The following CFAP74 variants were observed in gnomAD, a reference collection of about 807,000 sequenced individuals.
The protein encoded by CFAP74 is cilia and flagella associated protein 74, also known as cilia- and flagella-associated protein 74.
In CFAP74, 124 loss-of-function variants were observed where a neutral mutation model predicts 188.9. That is an observed-to-expected ratio of 0.66 (90% CI 0.57 to 0.76). CFAP74 has a LOEUF of 0.76. Ranked by LOEUF, CFAP74 falls within the 30% of genes least tolerant of loss-of-function variation. The probability of loss-of-function intolerance (pLI) is 0.00; values close to 1 mark genes in which losing one functional copy is unlikely to be tolerated. For missense variants in CFAP74, 2,198 were observed against 2,165.2 expected (o/e 1.02, Z -0.30); for synonymous variants, 956 against 916.7 (o/e 1.04, Z -0.77).
Position 1,923,460 on chromosome 1 carries a change from G to A in CFAP74, c.4429C>T (p.Gln1477Ter). 6.2e-7 allele frequency: 1 copy of A among 1,611,894 alleles called. No homozygotes were observed. The highest frequency in any genetic ancestry group is 8.5e-7 in the Non-Finnish European group (1 of 1,179,564). ...HQILLKGAAC[Q>*]HMMFVEGGDP... ...CCGCCCTCCACGAACATCATGTGCT[G>A]ACAGGCGGCACCCTTCAGCAGGATC... Residue 1477 changes from glutamine to a stop codon, truncating the protein, a stop_gained, in exon 36 of 39, where the codon CAG (glutamine) becomes TAG (stop). Transcript: ENST00000682832. LOFTEE classifies it high-confidence loss of function. This position sits in a 1 kb window ranked among gnomAD's most constrained non-coding sequence, Gnocchi z 6.3.
At chr1:1,981,301 C>T (rs572469688) in intron 6 of CFAP74, among the ~76,000 whole-genome samples, 129 of 152,342 alleles carry the variant, frequency 8.5e-4, no homozygotes, top group African/African-American at 2.6e-3. Context: ...ACATTGGCCA[C>T]GGAGACCTTG....
intron 9 of CFAP74, among the ~76,000 whole-genome samples, chr1:1,971,099 GCACACGTGTGCACACACATGCT>G (rs1655975923): frequency 7.4e-6 from 1 of 135,474 alleles, no homozygotes. Context: ...ATGCACACCT[GCACACGTGTGCACACACATGCT>G]CACACGTGCA....
chr1:2,003,073 A>T (rs1001327996), intron 1 of CFAP74, among the ~76,000 whole-genome samples: 1 of 152,088 alleles, frequency 6.6e-6, no homozygotes, highest in Non-Finnish European at 1.5e-5. Context: ...TGGGGGAGAG[A>T]CTTTGGGGTG....
intron 1 of CFAP74, among the ~76,000 whole-genome samples, chr1:2,003,307 ATC>A (rs1169293283): frequency 6.6e-6 from 1 of 152,164 alleles, no homozygotes; most frequent in African/African-American, 2.4e-5. Flanking sequence ...CTAGAGGCAA[ATC>A]AGCTTCCAAA....
chr1:1,940,302 G>A lies in CFAP74; in HGVS notation c.2703+14C>T, dbSNP rs1204236200. ...GGAGCGCCCAGCATCCCTGGGAAGTGCCCCAACACAGACCTGGTCGGCAAC... is the reference window on the plus strand; with the variant it reads ...GGAGCGCCCAGCATCCCTGGGAAGTACCCCAACACAGACCTGGTCGGCAAC... On this transcript the variant is annotated intron_variant, in intron 23 of 38. Transcript: ENST00000682832. The A allele has an allele frequency of 1.3e-6, 2 of 1,532,644 alleles. No individual in the cohort carries two copies. The highest frequency in any genetic ancestry group is 3.9e-5 in the Admixed American group (2 of 50,994). 94.9% of individuals were successfully genotyped at this position (1,532,644 alleles called of 1,614,324 possible). A position where few individuals can be genotyped will look rare whatever the true frequency, so the allele number is the denominator to read the frequency against.
At position 1,939,531 on chromosome 1, in the gene CFAP74, C is replaced by G. The variant is rs964636057; in HGVS notation, c.2877+63G>C. 6 of 1,456,672 alleles carry G rather than the reference C, an allele frequency of 4.1e-6. No homozygotes were observed. In the African/African-American group the frequency reaches 8.4e-5, roughly 20 times the overall value. 90.2% of individuals were successfully genotyped at this position (1,456,672 alleles called of 1,614,324 possible). A position where few individuals can be genotyped will look rare whatever the true frequency, so the allele number is the denominator to read the frequency against. ...GGGGACCCTGGAGCAGTGGCCGCTGCATCCTGTCCCCAGGACTTCCCAGCC... is the reference window on the plus strand; with the variant it reads ...GGGGACCCTGGAGCAGTGGCCGCTGGATCCTGTCCCCAGGACTTCCCAGCC... On this transcript the variant is annotated intron_variant, in intron 24 of 38. Coordinates refer to ENST00000682832, the MANE Select transcript of CFAP74 (RefSeq NM_001304360.2).
rs1455590739 is a variant in CFAP74, at chr1:1,923,075, G to A, written c.4593C>T (p.Tyr1531=). ...CTGGCGTGTCTGTGTCAAACTGGAT[G>A]TAGTCCAGGGTCACCAGGATGGGCC... The part of the protein sequence containing the change: ...ELRPILVTLD[Y]IQFDTDTPAP... The change falls in exon 37 of 39, where the codon TAC becomes TAT. Residue 1531 remains tyrosine (Y), a synonymous_variant. Transcript: ENST00000682832. This position sits in a 1 kb window ranked among gnomAD's most constrained non-coding sequence, Gnocchi z 6.3. The A allele has an allele frequency of 1.9e-6, 3 of 1,608,588 alleles. No individual in the cohort carries two copies. The highest frequency in any genetic ancestry group is 2.2e-5 in the East Asian group (1 of 44,870).
Position 1,942,781 on chromosome 1 carries a change from G to A in CFAP74, c.2487-625C>T, listed in dbSNP as rs544882563. Among the ~76,000 whole-genome samples, 87 of 152,128 alleles carry A rather than the reference G, an allele frequency of 5.7e-4. No homozygotes were observed. The highest frequency in any genetic ancestry group is 4.6e-4 in the Non-Finnish European group (31 of 67,956). ...CAGTGAAGCCTCCCTCCCCTCCCCC[G>A]TCTTGGAGCCTCTGCTAAACAGTGT... is the stretch of plus-strand genomic sequence containing the variant. On this transcript the variant is annotated intron_variant, in intron 21 of 38. Transcript: ENST00000682832. The surrounding 1 kb of genome is among the most constrained non-coding windows in gnomAD (Gnocchi z 4.3).
chr1:1,934,311 TACAC>T (rs1652651878), intron 25 of CFAP74, among the ~76,000 whole-genome samples: 1 of 141,246 alleles, frequency 7.1e-6, no homozygotes, highest in Non-Finnish European at 1.6e-5. Flanking sequence ...TACACAGGTG[TACAC>T]GTGGGTGTTA....
chr1:1,970,024 G>A (rs929584974), intron 10 of CFAP74, among the ~76,000 whole-genome samples: 2 of 152,210 alleles, frequency 1.3e-5, no homozygotes, highest in Non-Finnish European at 2.9e-5. Context: ...CGGGAGAGAG[G>A]GGCCTTGTAG....
In CFAP74 at chr1:1,922,189, G is replaced by T; in HGVS notation, c.*98C>A. 1.1e-6 allele frequency: 1 copy of T among 876,766 alleles called. No individual in the cohort carries two copies. Among genetic ancestry groups the T allele is most frequent in the Non-Finnish European group, 1.8e-6 (1 of 549,572 alleles). 54.3% of individuals were successfully genotyped at this position (876,766 alleles called of 1,614,324 possible). A position where few individuals can be genotyped will look rare whatever the true frequency, so the allele number is the denominator to read the frequency against. Reference sequence around the variant, plus strand: ...GGCCTATTGGAATCTGGCAGAGGATGGCCAGGTCCCAGGCTCTAGGGTAGT... The same window carrying T: ...GGCCTATTGGAATCTGGCAGAGGATTGCCAGGTCCCAGGCTCTAGGGTAGT... On this transcript the variant is annotated 3_prime_UTR_variant, in exon 39 of 39. Coordinates refer to ENST00000682832, the MANE Select transcript of CFAP74 (RefSeq NM_001304360.2).
At position 1,968,053 on chromosome 1, in the gene CFAP74, T is replaced by A. The variant is rs1232225570; in HGVS notation, c.1245+582A>T. 6.8e-6 allele frequency among the ~76,000 whole-genome samples: 1 copy of A among 146,672 alleles called. No homozygotes were observed. On this transcript the variant is annotated intron_variant, in intron 11 of 38. Coordinates refer to ENST00000682832, the MANE Select transcript of CFAP74 (RefSeq NM_001304360.2). The surrounding 1 kb of genome is among the most constrained non-coding windows in gnomAD (Gnocchi z 4.3). ...ATGAGTGAATGAATAAGTGTATCAGTGAGTGAGTGAATGAATGAGTGAATG... is the reference window on the plus strand; with the variant it reads ...ATGAGTGAATGAATAAGTGTATCAGAGAGTGAGTGAATGAATGAGTGAATG...
At chr1:1,944,703 T>C (rs1316651990) in intron 20 of CFAP74, among the ~76,000 whole-genome samples, 1 of 152,186 alleles carries the variant, frequency 6.6e-6, no homozygotes, top group Non-Finnish European at 1.5e-5. Context: ...GCCTCCCGCG[T>C]TCAAGCAATT....
chr1:1,990,974 A>C lies in CFAP74; in HGVS notation c.-18T>G. The C allele has an allele frequency of 6.2e-7, 1 of 1,600,532 alleles. No homozygotes were observed. The highest frequency in any genetic ancestry group is 8.5e-7 in the Non-Finnish European group (1 of 1,174,200). On this transcript the variant is annotated splice_region_variant and 5_prime_UTR_variant, in exon 2 of 39. Coordinates refer to ENST00000682832, the MANE Select transcript of CFAP74 (RefSeq NM_001304360.2). ...TCCTCCATGCTGGGAGATAGAAATT[A>C]GCTGCAAAAGATGATCGCAAAATAT...
At chr1:1,980,596 G>A (rs554440187) in intron 6 of CFAP74, among the ~76,000 whole-genome samples, 6 of 152,240 alleles carry the variant, frequency 3.9e-5, no homozygotes, top group Non-Finnish European at 7.3e-5. Flanking sequence ...TTCTTTGGGG[G>A]TTCCTGGGAC....
chr1:1,971,083 TCATACA>T (rs1169125488), intron 9 of CFAP74, among the ~76,000 whole-genome samples: 17 of 120,068 alleles, frequency 1.4e-4, no homozygotes, highest in African/African-American at 5.3e-4. Flanking sequence ...CTGCACACAC[TCATACA>T]TGCACACCTG....
At chr1:1,971,029 GCACACCTGCA>G (rs1655958058) in intron 9 of CFAP74, among the ~76,000 whole-genome samples, 1 of 138,886 alleles carries the variant, frequency 7.2e-6, no homozygotes, top group South Asian at 2.3e-4. Context: ...CATCACACAT[GCACACCTGCA>G]CACACGTGCA....
Position 1,938,941 on chromosome 1 carries a change from C to T in CFAP74, c.2925G>A (p.Leu975=), listed in dbSNP as rs1558002798. ...PNDGFGTILP[L]ETLQFCVIFQ... ...AGATCACACAGAACTGCAGCGTTTCCAGGGGCAGGATCGTCCCAAACCCAT... is the reference window on the plus strand; with the variant it reads ...AGATCACACAGAACTGCAGCGTTTCTAGGGGCAGGATCGTCCCAAACCCAT... Residue 975 remains leucine, a synonymous_variant, in exon 25 of 39, where the codon CTG becomes CTA. Transcript: ENST00000682832. The T allele has an allele frequency of 6.5e-7, 1 of 1,536,160 alleles. No homozygotes were observed. The highest frequency in any genetic ancestry group is 2.0e-5 in the Admixed American group (1 of 50,998).
chr1:1,940,000 A>G (rs1653252538), intron 23 of CFAP74, among the ~76,000 whole-genome samples: 1 of 152,144 alleles, frequency 6.6e-6, no homozygotes, highest in Non-Finnish European at 1.5e-5. Context: ...AGTGGGGTGC[A>G]TGTGTCTCTG....
Sources: gnomAD v4.1 joint callset for allele counts (sites outside exome capture counted in the v4.1 genomes callset) on GRCh38, gnomAD v4.1.1 for gene constraint, Gnocchi (gnomAD v3.1) non-coding constraint, MANE v1.5 for transcripts, NCBI Gene and HGNC (gene_info 2026-07-23, HGNC 2026-07-21) for gene names.